The following CD276 variants were observed in gnomAD, a reference collection of about 807,000 sequenced individuals.
CD276 encodes the protein CD276 molecule.
Under a neutral mutation model 50.0 loss-of-function variants are expected in CD276, and 34 were observed. The ratio of observed to expected loss-of-function variants is 0.68; its 90% CI spans 0.52 to 0.91. The LOEUF (loss-of-function observed/expected upper bound fraction) is 0.91, where lower values mean the gene tolerates loss of function less well. Ranked by LOEUF, CD276 falls within the 40% of genes least tolerant of loss-of-function variation. CD276 has a pLI of 0.00. For synonymous variants in CD276, 275 were observed against 313.0 expected (o/e 0.88, Z 1.28); for missense variants, 634 against 717.5 (o/e 0.88, Z 1.33).
At chr15:73,705,528 C>G (rs1448577484) in intron 6 of CD276, among the ~76,000 whole-genome samples, 1 of 152,044 alleles carries the variant, frequency 6.6e-6, no homozygotes, top group African/African-American at 2.4e-5. Flanking sequence ...CTCCTTCTGC[C>G]CACCCCTTCC....
At chr15:73,698,692 C>T (rs904586521) in intron 1 of CD276, among the ~76,000 whole-genome samples, 1 of 152,216 alleles carries the variant, frequency 6.6e-6, no homozygotes, top group Non-Finnish European at 1.5e-5. Flanking sequence ...TCCCAAGTAG[C>T]TGGGATTACA....
intron 6 of CD276, among the ~76,000 whole-genome samples, chr15:73,705,815 C>T (rs1288901268): frequency 6.6e-6 from 1 of 152,138 alleles, no homozygotes; most frequent in Non-Finnish European, 1.5e-5. Flanking sequence ...TGGTCATTTG[C>T]ACCCTGGGCT....
At chr15:73,700,868 T>TG (rs56667187) in intron 2 of CD276, among the ~76,000 whole-genome samples, 1 of 147,086 alleles carries the variant, frequency 6.8e-6, no homozygotes, top group East Asian at 2.0e-4. Flanking sequence ...AGTGCCAGGG[T>TG]GGGGGGGTTC....
At chr15:73,698,576 T>C (rs180961927) in intron 1 of CD276, among the ~76,000 whole-genome samples, 1 of 152,322 alleles carries the variant, frequency 6.6e-6, no homozygotes, top group East Asian at 1.9e-4. Flanking sequence ...ATTTTTATTT[T>C]TTGAGATCGA....
chr15:73,712,608 G>A (rs1299535656), intron 9 of CD276, among the ~76,000 whole-genome samples: 1 of 152,246 alleles, frequency 6.6e-6, no homozygotes, highest in Non-Finnish European at 1.5e-5. Flanking sequence ...GGATGGGATG[G>A]ACAAACAGGA....
chr15:73,685,824 A>G (rs1485524763), intron 1 of CD276, among the ~76,000 whole-genome samples: 1 of 152,118 alleles, frequency 6.6e-6, no homozygotes, highest in African/African-American at 2.4e-5. Context: ...TCTAAACTTG[A>G]AGTCTAAACC....
rs1428756754 is a variant in CD276 at position 73,702,333 on chromosome 15, C to G, written c.158C>G (p.Ser53Cys). The change falls in exon 3 of 10, where the codon TCC becomes TGC. Residue 53 changes from serine to cysteine, a missense_variant. By Grantham distance (112) the Ser-to-Cys change is moderately radical. Transcript: ENST00000318443. ...GTDATLCCSF[S>C]PEPGFSLAQL... is the part of the protein sequence containing the mutation. ...GATGCCACCCTGTGCTGCTCCTTCT[C>G]CCCTGAGCCTGGCTTCAGCCTGGCA... 6.2e-7 allele frequency: 1 copy of G among 1,613,434 alleles called. No individual in the cohort carries two copies. Among genetic ancestry groups the G allele is most frequent in the African/African-American group, 1.3e-5 (1 of 74,934 alleles).
intron 1 of CD276, among the ~76,000 whole-genome samples, chr15:73,693,315 A>G (rs1024950137): frequency 3.3e-5 from 5 of 152,236 alleles, no homozygotes; most frequent in Admixed American, 6.5e-5. Flanking sequence ...GAGTACTTCA[A>G]AAGATCACGA....
rs1253175671 is a variant in CD276 at position 73,687,089 on chromosome 15, G to T, written c.-55+2629G>T. ...ACATGATTTTTGAGAAATTGCCTTT[G>T]GTCTTGTTGGCTCAGAATGGACCCC... On this transcript the variant is annotated intron_variant, in intron 1 of 9. Transcript: ENST00000318443. This position sits in a 1 kb window ranked among gnomAD's most constrained non-coding sequence, Gnocchi z 4.0. Among the ~76,000 whole-genome samples, 2 of 152,096 alleles carry T rather than the reference G, an allele frequency of 1.3e-5. No homozygotes were observed. The highest frequency in any genetic ancestry group is 2.9e-5 in the Non-Finnish European group (2 of 68,014).
At chr15:73,691,195 A>G (rs1370931877) in intron 1 of CD276, among the ~76,000 whole-genome samples, 1 of 151,794 alleles carries the variant, frequency 6.6e-6, no homozygotes, top group Non-Finnish European at 1.5e-5. Flanking sequence ...TCCTTCAGTT[A>G]CAGATAATAG....
In CD276 at chr15:73,689,599, T is replaced by C. The variant is rs374115512; in HGVS notation, c.-55+5139T>C. On this transcript the variant is annotated intron_variant, in intron 1 of 9. Coordinates refer to ENST00000318443, the MANE Select transcript of CD276 (RefSeq NM_001024736.2). Reference sequence around the variant, plus strand: ...AGGTCAGTTTTGATAATTTTGCTCATTGAGTCCTATAATCATCCTATGAGG... The same window carrying C: ...AGGTCAGTTTTGATAATTTTGCTCACTGAGTCCTATAATCATCCTATGAGG... Among the ~76,000 whole-genome samples, 4 of 152,210 alleles carry C rather than the reference T, an allele frequency of 2.6e-5. No homozygotes were observed. In the East Asian group the frequency reaches 5.8e-4, roughly 22 times the overall value.
At position 73,714,162 on chromosome 15, in the gene CD276, T is replaced by G. The variant is rs1901032638; in HGVS notation, c.*1206T>G. 1.1e-5 allele frequency: 3 copies of G among 267,088 alleles called. No individual in the cohort carries two copies. Among genetic ancestry groups the G allele is most frequent in the South Asian group, 7.0e-5 (2 of 28,612 alleles). The allele number at this position is 267,088 out of a possible 1,614,324, so 16.5% of individuals were successfully genotyped here. A position where few individuals can be genotyped will look rare whatever the true frequency, so the allele number is the denominator to read the frequency against. On this transcript the variant is annotated 3_prime_UTR_variant, in exon 10 of 10. Coordinates refer to ENST00000318443, the MANE Select transcript of CD276 (RefSeq NM_001024736.2). ...AATCTGGTGGTGTCCAAAATGTCTG[T>G]CCAGGTGTGGGCAGGTGGGCAGGCA...
chr15:73,689,501 C>T (rs1319587520), intron 1 of CD276, among the ~76,000 whole-genome samples: 1 of 152,070 alleles, frequency 6.6e-6, no homozygotes, highest in African/African-American at 2.4e-5. Context: ...GAGGCTGTTC[C>T]CAGGGAACTC....
chr15:73,704,373 A>G lies in CD276; in HGVS notation c.1270A>G (p.Ser424Gly). 6.2e-7 allele frequency: 1 copy of G among 1,614,108 alleles called. No individual in the cohort carries two copies. The highest frequency in any genetic ancestry group is 8.5e-7 in the Non-Finnish European group (1 of 1,180,048). Residue 424 changes from serine (S) to glycine (G), a missense_variant, in exon 6 of 10, where the codon AGC becomes GGC. Coordinates refer to ENST00000318443, the MANE Select transcript of CD276 (RefSeq NM_001024736.2). The surrounding 1 kb of genome is among the most constrained non-coding windows in gnomAD (Gnocchi z 4.1). ...ANEQGLFDVH[S>G]VLRVVLGANG... ...CGAGCAGGGCTTGTTTGATGTGCAC[A>G]GCGTCCTGCGGGTGGTGCTGGGTGC...
intron 1 of CD276, among the ~76,000 whole-genome samples, chr15:73,692,250 A>G (rs1218042659): frequency 6.6e-6 from 1 of 152,194 alleles, no homozygotes; most frequent in Non-Finnish European, 1.5e-5. Context: ...CCTTTCATCC[A>G]GGTTTAAGCC....
chr15:73,713,067 G>T lies in CD276; in HGVS notation c.*111G>T. On this transcript the variant is annotated 3_prime_UTR_variant, in exon 10 of 10. Coordinates refer to ENST00000318443, the MANE Select transcript of CD276 (RefSeq NM_001024736.2). The stretch of plus-strand genomic sequence containing the variant: ...CAGATGCATCCTGCTCTGACAGGTG[G>T]GCTCCTTCTCCAAAGGATGCGATAC... 1 of 976,850 alleles carries T rather than the reference G, an allele frequency of 1.0e-6. No homozygotes were observed. The highest frequency in any genetic ancestry group is 1.6e-5 in the South Asian group (1 of 63,712). The allele number at this position is 976,850 out of a possible 1,614,324, so 60.5% of individuals were successfully genotyped here.
In CD276 at chr15:73,687,712, T is replaced by C. The variant is rs1899826182; in HGVS notation, c.-55+3252T>C. On this transcript the variant is annotated intron_variant, in intron 1 of 9. Transcript: ENST00000318443. This position sits in a 1 kb window ranked among gnomAD's most constrained non-coding sequence, Gnocchi z 4.0. Reference sequence around the variant, plus strand: ...GCCAGCTGCCCCCTTTCTCCCTTTCTTTCTCTTTGTGGTCCAGAGAATGAA... The same window carrying C: ...GCCAGCTGCCCCCTTTCTCCCTTTCCTTCTCTTTGTGGTCCAGAGAATGAA... 6.6e-6 allele frequency among the ~76,000 whole-genome samples: 1 copy of C among 152,190 alleles called. No homozygotes were observed. Among genetic ancestry groups the C allele is most frequent in the South Asian group, 2.1e-4 (1 of 4,830 alleles).
intron 2 of CD276, among the ~76,000 whole-genome samples, chr15:73,702,002 T>C (rs561562577): frequency 1.3e-5 from 2 of 152,350 alleles, no homozygotes; most frequent in South Asian, 2.1e-4. Context: ...CTCTCTCCCA[T>C]TAAAATGTAA....
chr15:73,690,396 G>A (rs1215653200), intron 1 of CD276, among the ~76,000 whole-genome samples: 3 of 152,194 alleles, frequency 2.0e-5, no homozygotes, highest in African/African-American at 4.8e-5. Context: ...ATATGGAGGT[G>A]TTACCTTTTA....
Sources: allele counts gnomAD v4.1 joint callset (sites outside exome capture counted in the v4.1 genomes callset), GRCh38; gene constraint gnomAD v4.1.1; non-coding constraint Gnocchi (gnomAD v3.1); transcripts MANE v1.5; gene names NCBI Gene and HGNC (gene_info 2026-07-23, HGNC 2026-07-21).